CSMD1: variants seen among roughly 807,000 people sequenced by gnomAD.
CSMD1 encodes the protein CUB and sushi domain-containing protein 1.
Under a neutral mutation model 417.5 loss-of-function variants are expected in CSMD1, and 213 were observed. The observed-to-expected ratio is 0.51, with a 90% confidence interval of 0.46 to 0.57. The LOEUF is 0.57. Among genes scored for constraint, CSMD1 ranks in the 20% least tolerant of loss-of-function variants. The pLI is 0.00. For synonymous variants in CSMD1, 2,862 were observed against 1,736.8 expected (o/e 1.65, Z -16.11); for missense variants, 6,923 against 4,529.7 (o/e 1.53, Z -15.17).
At chr8:3,744,606 T>G (rs537792523) in intron 6 of CSMD1, among the ~76,000 whole-genome samples, 1 of 152,350 alleles carries the variant, frequency 6.6e-6, no homozygotes, top group Non-Finnish European at 1.5e-5. Context: ...GGTGGACAGC[T>G]TAACATGTGC....
At chr8:4,442,938 A>G (rs1798567666) in intron 2 of CSMD1, among the ~76,000 whole-genome samples, 1 of 152,284 alleles carries the variant, frequency 6.6e-6, no homozygotes, top group South Asian at 2.1e-4. Flanking sequence ...TTGTCCCTCA[A>G]CGTAATGTAT....
At chr8:3,321,477 G>A (rs983329696) in intron 23 of CSMD1, among the ~76,000 whole-genome samples, 1 of 152,040 alleles carries the variant, frequency 6.6e-6, no homozygotes, top group South Asian at 2.1e-4. Flanking sequence ...CCACAAGTAG[G>A]CAATGACAGG....
chr8:4,841,467 A>G (rs2116778655), intron 1 of CSMD1, among the ~76,000 whole-genome samples: 1 of 152,336 alleles, frequency 6.6e-6, no homozygotes, highest in South Asian at 2.1e-4. Context: ...AAACGAATAA[A>G]CTAGCAAAGG....
At chr8:3,713,532 T>C (rs9644352) in intron 6 of CSMD1, among the ~76,000 whole-genome samples, 142,272 of 152,096 alleles carry the variant, frequency 0.94, 67,221 homozygotes, top group Non-Finnish European at 1. Flanking sequence ...GCCAGACATC[T>C]GCCTTCCTCA....
At chr8:4,810,491 A>T (rs1283005972) in intron 1 of CSMD1, among the ~76,000 whole-genome samples, 1 of 151,990 alleles carries the variant, frequency 6.6e-6, no homozygotes, top group African/African-American at 2.4e-5. Context: ...TGATGTTATT[A>T]TTTGGCAATT....
At position 3,488,209 on chromosome 8, in the gene CSMD1, C is replaced by A. The variant is rs192977020; in HGVS notation, c.1448+5414G>T. Among the ~76,000 whole-genome samples the A allele has an allele frequency of 3.9e-3, 595 of 151,956 alleles. 10 individuals carry two copies. Among genetic ancestry groups the A allele is most frequent in the Admixed American group, 0.037 (561 of 15,266 alleles). On this transcript the variant is annotated intron_variant, in intron 11 of 69. Coordinates refer to ENST00000635120, the MANE Select transcript of CSMD1 (RefSeq NM_033225.6). ...CCTTGATCTCCTGGGCACAATCGAC[C>A]CTTTCACCTTAGCCTCCTGAGTAGC...
At chr8:4,429,044 T>G (rs903981156) in intron 2 of CSMD1, among the ~76,000 whole-genome samples, 10 of 152,022 alleles carry the variant, frequency 6.6e-5, no homozygotes, top group African/African-American at 2.4e-4. Context: ...AATAAGAGTT[T>G]TACATACTTA....
chr8:4,594,859 T>C (rs1800172687), intron 2 of CSMD1, among the ~76,000 whole-genome samples: 1 of 152,158 alleles, frequency 6.6e-6, no homozygotes, highest in African/African-American at 2.4e-5. Context: ...TTAGTAAATC[T>C]TCATCATGCT....
At chr8:4,007,325 A>T (rs1281015967) in intron 4 of CSMD1, among the ~76,000 whole-genome samples, 1 of 151,596 alleles carries the variant, frequency 6.6e-6, no homozygotes, top group Non-Finnish European at 1.5e-5. Flanking sequence ...CTCATCCTCC[A>T]CCTCCTTTGG....
At chr8:3,889,900 G>C (rs571859326) in intron 5 of CSMD1, among the ~76,000 whole-genome samples, 11 of 152,034 alleles carry the variant, frequency 7.2e-5, no homozygotes, top group Non-Finnish European at 1.3e-4. Context: ...ATTACTTTCT[G>C]AGTTGCGCAT....
At chr8:4,600,964 T>C (rs1800548223) in intron 2 of CSMD1, among the ~76,000 whole-genome samples, 3 of 151,506 alleles carry the variant, frequency 2.0e-5, no homozygotes, top group African/African-American at 7.3e-5. Flanking sequence ...AGATTTTTTT[T>C]TTTTTTTTTG....
chr8:4,218,469 C>T lies in CSMD1; in HGVS notation c.416-186370G>A, dbSNP rs116553779. 2.0e-3 allele frequency among the ~76,000 whole-genome samples: 312 copies of T among 152,300 alleles called. 1 individual carries two copies. Among genetic ancestry groups the T allele is most frequent in the African/African-American group, 7.0e-3 (291 of 41,560 alleles). ...TGCTTCATATTTTCCATGAAAGTCT[C>T]AACCTCCACTTGCTGTATGATCTTT... is the stretch of plus-strand genomic sequence containing the variant. On this transcript the variant is annotated intron_variant, in intron 3 of 69. Transcript: ENST00000635120.
At chr8:3,908,110 T>G (rs995466077) in intron 5 of CSMD1, among the ~76,000 whole-genome samples, 1 of 152,206 alleles carries the variant, frequency 6.6e-6, no homozygotes, top group South Asian at 2.1e-4. Flanking sequence ...TGAGGCTTTA[T>G]GGAGCCCCTC....
rs1798448200 is a variant in CSMD1 at position 4,441,098 on chromosome 8, T to TTTTTTTTTTTTTTTTTTTTTTA, written c.303-21034_303-21033insTAAAAAAAAAAAAAAAAAAAAA. Among the ~76,000 whole-genome samples, 2 of 95,784 alleles carry TTTTTTTTTTTTTTTTTTTTTTA rather than the reference T, an allele frequency of 2.1e-5. 1 individual carries two copies. The highest frequency in any genetic ancestry group is 7.8e-5 in the African/African-American group (2 of 25,632). The allele number at this position is 95,784 out of a possible 152,430, so 62.8% of individuals were successfully genotyped here. A position where few individuals can be genotyped will look rare whatever the true frequency, so the allele number is the denominator to read the frequency against. ...AATTTGACTCGTTAATCAAAAGGTTTTTTTTTTTTTTTTTTTTTTTAAGAG... is the reference window on the plus strand; with the variant it reads ...AATTTGACTCGTTAATCAAAAGGTTTTTTTTTTTTTTTTTTTTTTTTATTTTTTTTTTTTTTTTTTTTAAGAG... On this transcript the variant is annotated intron_variant, in intron 2 of 69. Coordinates refer to ENST00000635120, the MANE Select transcript of CSMD1 (RefSeq NM_033225.6).
At chr8:3,814,149 C>G (rs1467254320) in intron 5 of CSMD1, among the ~76,000 whole-genome samples, 2 of 152,226 alleles carry the variant, frequency 1.3e-5, no homozygotes, top group African/African-American at 4.8e-5. Flanking sequence ...GCCCCAGATT[C>G]TGGTACCCCC....
At chr8:4,871,631 C>A (rs543726982) in intron 1 of CSMD1, among the ~76,000 whole-genome samples, 1 of 152,152 alleles carries the variant, frequency 6.6e-6, no homozygotes, top group East Asian at 1.9e-4. Flanking sequence ...ATAGCAGTAA[C>A]CCAGATAGCA....
intron 27 of CSMD1, among the ~76,000 whole-genome samples, chr8:3,227,754 C>G (rs1798599857): frequency 6.6e-6 from 1 of 151,250 alleles, no homozygotes; most frequent in Admixed American, 6.6e-5. Context: ...AGGATGTTGT[C>G]ATTTTAAAAC....
chr8:4,287,568 G>A (rs1370657226), intron 3 of CSMD1, among the ~76,000 whole-genome samples: 2 of 151,994 alleles, frequency 1.3e-5, no homozygotes, highest in African/African-American at 4.8e-5. Context: ...GGGGACTAAT[G>A]TCTGCAAGCT....
intron 3 of CSMD1, among the ~76,000 whole-genome samples, chr8:4,045,895 C>T (rs1798123595): frequency 1.3e-5 from 2 of 151,974 alleles, no homozygotes; most frequent in South Asian, 2.1e-4. Context: ...TATGTCTATG[C>T]TGGTGAACAC....
Sources: allele counts gnomAD v4.1 joint callset (sites outside exome capture counted in the v4.1 genomes callset), GRCh38; gene constraint gnomAD v4.1.1; transcripts MANE v1.5; gene names NCBI Gene and HGNC (gene_info 2026-07-23, HGNC 2026-07-21).